SCD5: variants seen among roughly 807,000 people sequenced by gnomAD.
The protein encoded by SCD5 is stearoyl-CoA desaturase 5.
In SCD5, 20 loss-of-function variants were observed where a neutral mutation model predicts 30.4. That is an observed-to-expected ratio of 0.66 (90% CI 0.46 to 0.96). SCD5 has a LOEUF of 0.96. Ranked by LOEUF, SCD5 falls within the 40% of genes least tolerant of loss-of-function variation. The pLI is 0.00. For synonymous variants in SCD5, 173 were observed against 176.4 expected (o/e 0.98, Z 0.16); for missense variants, 381 against 443.3 (o/e 0.86, Z 1.26).
intron 2 of SCD5, among the ~76,000 whole-genome samples, chr4:82,695,670 A>G (rs1257274844): frequency 1.3e-5 from 2 of 152,228 alleles, no homozygotes; most frequent in Non-Finnish European, 2.9e-5. Flanking sequence ...GATTTGTAAC[A>G]CACTATACCC....
intron 1 of SCD5, among the ~76,000 whole-genome samples, chr4:82,729,480 C>G (rs182870487): frequency 2.6e-5 from 4 of 152,210 alleles, no homozygotes; most frequent in Admixed American, 1.3e-4. Flanking sequence ...TCACCCTCCC[C>G]CCGGCATCTC....
rs558814803 is a variant in SCD5 at position 82,678,171 on chromosome 4, A to G, written c.569+2536T>C. Among the ~76,000 whole-genome samples the G allele has an allele frequency of 6.6e-5, 10 of 152,236 alleles. No individual in the cohort carries two copies. The South Asian group carries it at 1.0e-3, about 16-fold the overall frequency. On this transcript the variant is annotated intron_variant, in intron 3 of 4. Coordinates refer to ENST00000319540, the MANE Select transcript of SCD5 (RefSeq NM_001037582.3). ...AGCACTGATTCCCAGCAGGAGCTCA[A>G]TGATACATGTGACATGATGATATGA...
At chr4:82,658,663 TA>T (rs1727920632) in intron 3 of SCD5, among the ~76,000 whole-genome samples, 5 of 143,456 alleles carry the variant, frequency 3.5e-5, no homozygotes, top group South Asian at 2.2e-4. Flanking sequence ...TTTTGTATTT[TA>T]GTGGAGATGG....
chr4:82,642,160 C>G (rs111522246), intron 3 of SCD5, among the ~76,000 whole-genome samples: 16 of 151,976 alleles, frequency 1.1e-4, no homozygotes, highest in African/African-American at 3.9e-4. Context: ...TTTTTATAAC[C>G]TCTTTTGCAG....
At chr4:82,770,744 T>TGCCTGAGAA (rs1220187233) in intron 1 of SCD5, among the ~76,000 whole-genome samples, 1 of 152,262 alleles carries the variant, frequency 6.6e-6, no homozygotes, top group Non-Finnish European at 1.5e-5. Flanking sequence ...TCTGATTCTC[T>TGCCTGAGAA]GCCTGAGAAC....
At chr4:82,749,557 A>G (rs575791577) in intron 1 of SCD5, among the ~76,000 whole-genome samples, 1 of 152,372 alleles carries the variant, frequency 6.6e-6, no homozygotes, top group East Asian at 1.9e-4. Context: ...AGAAAAGTAA[A>G]TAACAACACA....
intron 1 of SCD5, among the ~76,000 whole-genome samples, chr4:82,798,017 G>A (rs1309355382): frequency 6.7e-6 from 1 of 148,772 alleles, no homozygotes; most frequent in African/African-American, 2.5e-5. Context: ...AGGACTCCGG[G>A]TCCCCCCCGG....
chr4:82,632,152 A>G (rs1191555119), intron 4 of SCD5, among the ~76,000 whole-genome samples: 1 of 151,098 alleles, frequency 6.6e-6, no homozygotes, highest in East Asian at 2.0e-4. Flanking sequence ...GGTCATTTAC[A>G]TTAGGTATTT....
At chr4:82,714,171 G>C (rs536957486) in intron 1 of SCD5, among the ~76,000 whole-genome samples, 95 of 152,232 alleles carry the variant, frequency 6.2e-4, no homozygotes, top group African/African-American at 2.2e-3. Context: ...ATGTTAAAAA[G>C]CAAAATTTAA....
intron 1 of SCD5, among the ~76,000 whole-genome samples, chr4:82,747,069 G>GCCCC (rs151046123): frequency 0.084 from 11,808 of 139,760 alleles, 1,195 homozygotes; most frequent in East Asian, 0.11. Context: ...TGGGCAACCT[G>GCCCC]CCCCCCAAGA....
chr4:82,796,526 G>C (rs1722224583), intron 1 of SCD5, among the ~76,000 whole-genome samples: 1 of 152,178 alleles, frequency 6.6e-6, no homozygotes, highest in South Asian at 2.1e-4. Context: ...AACTTGGAGA[G>C]AGGGGCCTTG....
chr4:82,664,321 A>C (rs998622821), intron 3 of SCD5, among the ~76,000 whole-genome samples: 1 of 152,206 alleles, frequency 6.6e-6, no homozygotes, highest in Non-Finnish European at 1.5e-5. Flanking sequence ...ACACATACTG[A>C]AGGTCTGAAA....
chr4:82,667,371 A>T (rs1728214768), intron 3 of SCD5, among the ~76,000 whole-genome samples: 1 of 152,198 alleles, frequency 6.6e-6, no homozygotes, highest in Non-Finnish European at 1.5e-5. Flanking sequence ...GACATTTTTG[A>T]CTTGGAAAAT....
At chr4:82,715,412 T>C (rs926123082) in intron 1 of SCD5, among the ~76,000 whole-genome samples, 1 of 151,510 alleles carries the variant, frequency 6.6e-6, no homozygotes, top group Non-Finnish European at 1.5e-5. Flanking sequence ...CGGCCTGTGC[T>C]GAACCGATGG....
chr4:82,657,175 G>C (rs1469295927), intron 3 of SCD5, among the ~76,000 whole-genome samples: 1 of 152,124 alleles, frequency 6.6e-6, no homozygotes, highest in Non-Finnish European at 1.5e-5. Flanking sequence ...CTTTGCTCAT[G>C]ACTATGTCCT....
At chr4:82,689,427 C>T (rs1728784307) in intron 2 of SCD5, among the ~76,000 whole-genome samples, 1 of 152,094 alleles carries the variant, frequency 6.6e-6, no homozygotes, top group East Asian at 1.9e-4. Context: ...TAGTGCCTCC[C>T]ACTGAACAAA....
chr4:82,723,109 T>C (rs1720404437), intron 1 of SCD5, among the ~76,000 whole-genome samples: 1 of 149,148 alleles, frequency 6.7e-6, no homozygotes, highest in African/African-American at 2.5e-5. Flanking sequence ...GATTCTCTCC[T>C]GCTGGTTTAC....
At chr4:82,755,498 A>G (rs1721215804) in intron 1 of SCD5, among the ~76,000 whole-genome samples, 1 of 152,154 alleles carries the variant, frequency 6.6e-6, no homozygotes, top group African/African-American at 2.4e-5. Flanking sequence ...AGACTGTCTC[A>G]AAAAACAGAA....
intron 2 of SCD5, among the ~76,000 whole-genome samples, chr4:82,682,264 T>C (rs1728593179): frequency 1.3e-5 from 2 of 152,098 alleles, no homozygotes; most frequent in African/African-American, 4.8e-5. Flanking sequence ...GGACTTCTCA[T>C]AATGGGAGAC....
Sources: gnomAD v4.1 joint callset for allele counts (sites outside exome capture counted in the v4.1 genomes callset) on GRCh38, gnomAD v4.1.1 for gene constraint, MANE v1.5 for transcripts, NCBI Gene and HGNC (gene_info 2026-07-23, HGNC 2026-07-21) for gene names.